The following CEP112 variants were observed in gnomAD, a reference collection of about 807,000 sequenced individuals.
The protein encoded by CEP112 is centrosomal protein of 112 kDa.
CEP112 carries 127 observed loss-of-function variants against 153.0 expected under a neutral mutation model. The observed-to-expected ratio is 0.83, with a 90% confidence interval of 0.72 to 0.96. CEP112 has a LOEUF of 0.96. Among genes scored for constraint, CEP112 ranks in the 40% least tolerant of loss-of-function variants. The probability of loss-of-function intolerance (pLI) is 0.00; values close to 1 mark genes in which losing one functional copy is unlikely to be tolerated. For synonymous variants in CEP112, 358 were observed against 374.4 expected (o/e 0.96, Z 0.51); for missense variants, 1,089 against 1,101.2 (o/e 0.99, Z 0.16).
intron 6 of CEP112, among the ~76,000 whole-genome samples, chr17:66,103,830 A>C (rs2068666301): frequency 6.6e-6 from 1 of 152,230 alleles, no homozygotes; most frequent in African/African-American, 2.4e-5. Flanking sequence ...GGGAAGGAAG[A>C]GCACAGTGAT....
At chr17:66,156,720 G>A (rs1357976957) in intron 4 of CEP112, among the ~76,000 whole-genome samples, 5 of 152,070 alleles carry the variant, frequency 3.3e-5, no homozygotes, top group Admixed American at 3.3e-4. Context: ...CGCAGCACGA[G>A]AACTTCGTGA....
intron 19 of CEP112, among the ~76,000 whole-genome samples, chr17:65,924,902 A>C (rs1223492857): frequency 3.3e-5 from 5 of 152,142 alleles, no homozygotes; most frequent in African/African-American, 4.8e-5. Context: ...TGATACGGGC[A>C]GCTGCTCAAA....
intron 6 of CEP112, among the ~76,000 whole-genome samples, chr17:66,124,917 C>A (rs577839463): frequency 2.0e-5 from 3 of 152,108 alleles, no homozygotes; most frequent in Non-Finnish European, 4.4e-5. Flanking sequence ...TTTACATTCA[C>A]TTTTAAAAGA....
Position 65,961,596 on chromosome 17 carries a change from TC to T in CEP112, c.1738del (p.Glu580LysfsTer6). The T allele has an allele frequency of 6.2e-7, 1 of 1,608,690 alleles. No individual in the cohort carries two copies. Among genetic ancestry groups the T allele is most frequent in the Non-Finnish European group, 8.5e-7 (1 of 1,176,048 alleles). On this transcript the variant is annotated frameshift_variant and splice_region_variant, in exon 18 of 27. Transcript: ENST00000535342. LOFTEE classifies it high-confidence loss of function. Reference sequence around the variant, plus strand: ...CACACGAGTTAGCTGCTCCTCTTTTTCCCTAGAAAGGTTCAGAGAAGCTTCA... The same window carrying T: ...CACACGAGTTAGCTGCTCCTCTTTTTCCTAGAAAGGTTCAGAGAAGCTTCA... The part of the protein sequence containing the change: ...KIHKFEEALK[E>X]KEEQLTRVTE...
intron 21 of CEP112, among the ~76,000 whole-genome samples, chr17:65,781,402 T>C (rs190380606): frequency 1.1e-4 from 16 of 152,236 alleles, no homozygotes; most frequent in Middle Eastern, 3.4e-3. Context: ...TCAATATCAT[T>C]AACATGGCCA....
rs149084625 is a variant in CEP112 at position 66,041,242 on chromosome 17, C to T, written c.1219-11219G>A. On this transcript the variant is annotated intron_variant, in intron 12 of 26. Coordinates refer to ENST00000535342, the MANE Select transcript of CEP112 (RefSeq NM_001199165.4). ...ATTGAGAAACAAAAAATATAGCCAT[C>T]ACCAAAATAAGTATTGTAGGAAATT... Among the ~76,000 whole-genome samples, 345 of 108,184 alleles carry T rather than the reference C, an allele frequency of 3.2e-3. 2 individuals carry two copies. Among genetic ancestry groups the T allele is most frequent in the African/African-American group, 0.011 (296 of 26,584 alleles). The allele number at this position is 108,184 out of a possible 152,430, so 71.0% of individuals were successfully genotyped here.
chr17:66,186,698 G>T (rs1017564466), intron 1 of CEP112, among the ~76,000 whole-genome samples: 1 of 152,060 alleles, frequency 6.6e-6, no homozygotes, highest in Admixed American at 6.6e-5. Flanking sequence ...GGGTTGCTGG[G>T]AAAAAATGGC....
intron 4 of CEP112, among the ~76,000 whole-genome samples, chr17:66,149,316 C>A (rs953876301): frequency 6.6e-6 from 1 of 152,134 alleles, no homozygotes; most frequent in African/African-American, 2.4e-5. Context: ...CCACATTTGT[C>A]TAGTTTTAGT....
intron 24 of CEP112, among the ~76,000 whole-genome samples, 188 bp from the exon 25 acceptor site, chr17:65,641,253 AC>A (rs1177996730): frequency 6.6e-6 from 1 of 152,198 alleles, no homozygotes; most frequent in Non-Finnish European, 1.5e-5. Context: ...TGACCCTGTG[AC>A]TCTGAGAGAG....
intron 24 of CEP112, among the ~76,000 whole-genome samples, chr17:65,645,418 T>C (rs1490914751): frequency 6.6e-6 from 1 of 152,168 alleles, no homozygotes; most frequent in Admixed American, 6.5e-5. Context: ...TTTTGTATAA[T>C]AGCCTCTAGC....
chr17:66,085,877 T>C (rs2067905409), intron 8 of CEP112, among the ~76,000 whole-genome samples: 1 of 148,552 alleles, frequency 6.7e-6, no homozygotes, highest in African/African-American at 2.5e-5. Context: ...CTCAGGAGGC[T>C]GAGGTAGGAG....
chr17:65,662,742 A>C (rs1444219480), intron 24 of CEP112, among the ~76,000 whole-genome samples: 1 of 152,156 alleles, frequency 6.6e-6, no homozygotes, highest in Non-Finnish European at 1.5e-5. Flanking sequence ...AAAAATCCTA[A>C]ACGTGTGTGG....
chr17:66,098,890 G>A (rs2068450882), intron 6 of CEP112, among the ~76,000 whole-genome samples: 1 of 152,136 alleles, frequency 6.6e-6, no homozygotes, highest in African/African-American at 2.4e-5. Context: ...GAGCCAGAGT[G>A]GTAGCATGGG....
intron 18 of CEP112, among the ~76,000 whole-genome samples, chr17:65,951,939 T>C (rs1332066466): frequency 6.6e-6 from 1 of 152,182 alleles, no homozygotes; most frequent in Admixed American, 6.5e-5. Flanking sequence ...TCCATTCAGC[T>C]TAAAATATTT....
At chr17:66,142,916 A>G (rs2070770911) in intron 4 of CEP112, among the ~76,000 whole-genome samples, 1 of 152,246 alleles carries the variant, frequency 6.6e-6, no homozygotes, top group Admixed American at 6.5e-5. Context: ...ATTGCATTGA[A>G]ATTGTAGATT....
chr17:65,674,436 A>G (rs1269316812), intron 24 of CEP112, among the ~76,000 whole-genome samples: 1 of 152,220 alleles, frequency 6.6e-6, no homozygotes, highest in African/African-American at 2.4e-5. Context: ...TGCCAATTCT[A>G]GAGTGGTTGG....
intron 24 of CEP112, among the ~76,000 whole-genome samples, chr17:65,671,921 T>A (rs1177061343): frequency 6.6e-6 from 1 of 152,200 alleles, no homozygotes; most frequent in Non-Finnish European, 1.5e-5. Flanking sequence ...TGGTACTACT[T>A]GATATGGAAC....
chr17:65,967,243 G>A (rs55901972), intron 17 of CEP112, among the ~76,000 whole-genome samples: 72,586 of 151,528 alleles, frequency 0.48, 18,310 homozygotes, highest in East Asian at 0.89. Flanking sequence ...TTATAAATAG[G>A]AATGAAGAAT....
In CEP112 at chr17:65,836,043, A is replaced by G. The variant is rs139510824; in HGVS notation, c.2394+15761T>C. 1.6e-4 allele frequency among the ~76,000 whole-genome samples: 24 copies of G among 152,334 alleles called. No homozygotes were observed. The East Asian group carries it at 3.7e-3, about 23-fold the overall frequency. On this transcript the variant is annotated intron_variant, in intron 21 of 26. Transcript: ENST00000535342. ...TGGTTGTGTTCAAAGTTAAGTCACT[A>G]TCAGTTTAAAATAACCTCTTATAAC...
Sources: gnomAD v4.1 joint callset for allele counts (sites outside exome capture counted in the v4.1 genomes callset) on GRCh38, gnomAD v4.1.1 for gene constraint, MANE v1.5 for transcripts, NCBI Gene and HGNC (gene_info 2026-07-23, HGNC 2026-07-21) for gene names.